UFC1: variants seen among roughly 807,000 people sequenced by gnomAD.
The protein encoded by UFC1 is ubiquitin-fold modifier-conjugating enzyme 1.
In UFC1, 22 loss-of-function variants were observed where a neutral mutation model predicts 28.0. The observed-to-expected ratio is 0.78, with a 90% CI of 0.56 to 1.12. The LOEUF (loss-of-function observed/expected upper bound fraction) is 1.12, where lower values mean the gene tolerates loss of function less well. Ranked by LOEUF, UFC1 falls within the 50% of genes most tolerant of loss-of-function variation. UFC1 has a pLI of 0.00. For synonymous variants in UFC1, 61 were observed against 74.5 expected, an observed-to-expected ratio of 0.82 and a Z score of 0.93; for missense variants, 189 against 207.8, an observed-to-expected ratio of 0.91 and a Z score of 0.56.
intron 4 of UFC1, 44 bp downstream of exon 4, chr1:161,157,737 AG>A: frequency 1.3e-6 from 2 of 1,555,902 alleles, no homozygotes; most frequent in South Asian, 2.2e-5. Flanking sequence ...GAAAGCCTTA[AG>A]GAAGAACTTC....
chr1:161,156,177 A>G (rs139467770), intron 1 of UFC1, among the ~76,000 whole-genome samples: 4 of 152,286 alleles, frequency 2.6e-5, no homozygotes, highest in African/African-American at 9.6e-5. Flanking sequence ...GCAGACCCCC[A>G]CTTACCAGTA....
chr1:161,155,897 G>T (rs531286222), intron 1 of UFC1, among the ~76,000 whole-genome samples: 4 of 152,170 alleles, frequency 2.6e-5, no homozygotes, highest in African/African-American at 9.6e-5. Context: ...AGGTCAAAAC[G>T]TCAACATACA....
rs527961871 is a variant in UFC1, at chr1:161,154,455, C to T, written c.123+335C>T. 3.0e-4 allele frequency among the ~76,000 whole-genome samples: 46 copies of T among 152,264 alleles called. 1 individual carries two copies. Among genetic ancestry groups the T allele is most frequent in the Middle Eastern group, 6.8e-3 (2 of 294 alleles). ...AATCCTCAGGGCGCCAACTCCCAGT[C>T]CGCATCTCTCTGCCCCCTTCTTCAC... On this transcript the variant is annotated intron_variant, in intron 1 of 5. Transcript: ENST00000368003.
rs551896177 is a variant in UFC1 at position 161,154,020 on chromosome 1, G to A, written c.23G>A (p.Arg8His). 4 of 1,614,122 alleles carry A rather than the reference G, an allele frequency of 2.5e-6. No homozygotes were observed. The highest frequency in any genetic ancestry group is 4.5e-5 in the East Asian group (2 of 44,884). Reference sequence around the variant, plus strand: ...AAGATGGCGGATGAAGCCACGCGACGTGTTGTGTCTGAGATCCCGGTGCTG... The same window carrying A: ...AAGATGGCGGATGAAGCCACGCGACATGTTGTGTCTGAGATCCCGGTGCTG... The part of the protein sequence containing the change: MADEATR[R>H]VVSEIPVLKT... Residue 8 changes from arginine to histidine, a missense_variant, in exon 1 of 6, where the codon CGT becomes CAT. Transcript: ENST00000368003.
In UFC1 at chr1:161,155,014, C is replaced by T. The variant is rs200073484; in HGVS notation, c.123+894C>T. ...TTCATTCACTAAAAAAAAAAAATTACTGTGCATATAGAACCTAGGGAGGAG... is the reference window on the plus strand; with the variant it reads ...TTCATTCACTAAAAAAAAAAAATTATTGTGCATATAGAACCTAGGGAGGAG... On this transcript the variant is annotated intron_variant, in intron 1 of 5. Transcript: ENST00000368003. Among the ~76,000 whole-genome samples, 9 of 152,086 alleles carry T rather than the reference C, an allele frequency of 5.9e-5. No homozygotes were observed. The East Asian group carries it at 1.7e-3, about 29-fold the overall frequency.
chr1:161,158,043 C>A, intron 4 of UFC1, 78 bp from the exon 5 acceptor site: 1 of 1,275,406 alleles, frequency 7.8e-7, no homozygotes, highest in Non-Finnish European at 1.1e-6. Flanking sequence ...CACTAGTAGT[C>A]TTCCTATGCC....
At chr1:161,156,643 A>T (rs12756718) in intron 1 of UFC1, among the ~76,000 whole-genome samples, 33,685 of 151,586 alleles carry the variant, frequency 0.22, 4,279 homozygotes, top group East Asian at 0.36. Context: ...GGAGTTCGAG[A>T]CCAGCCTGGC....
At chr1:161,157,437 T>A (rs1351903510) in intron 3 of UFC1, 120 bp downstream of exon 3, 1 of 1,387,090 alleles carries the variant, frequency 7.2e-7, no homozygotes, top group East Asian at 2.3e-5. Flanking sequence ...AGAGAAAAGC[T>A]GAGGTTTGAG....
intron 1 of UFC1, 62 bp downstream of exon 1, chr1:161,154,182 A>G: frequency 6.3e-7 from 1 of 1,590,376 alleles, no homozygotes; most frequent in Non-Finnish European, 8.6e-7. Context: ...AGGTGTCCTC[A>G]ATAATAGGCT....
intron 1 of UFC1, among the ~76,000 whole-genome samples, chr1:161,154,771 G>T (rs1176455647): frequency 1.3e-5 from 2 of 152,170 alleles, no homozygotes; most frequent in Non-Finnish European, 2.9e-5. Flanking sequence ...TTACAGGCGT[G>T]AGCCACCGCG....
In UFC1 at chr1:161,157,603, T is replaced by C; in HGVS notation, c.256-14T>C. 6.2e-7 allele frequency: 1 copy of C among 1,610,592 alleles called. No individual in the cohort carries two copies. The highest frequency in any genetic ancestry group is 1.7e-4 in the Middle Eastern group (1 of 6,058). Reference sequence around the variant, plus strand: ...TCCTGATTCTGTTTTATTAAGGTTTTATAATTTCTCCAGATTCCTATCACA... The same window carrying C: ...TCCTGATTCTGTTTTATTAAGGTTTCATAATTTCTCCAGATTCCTATCACA... On this transcript the variant is annotated splice_polypyrimidine_tract_variant and intron_variant, in intron 3 of 5. Coordinates refer to ENST00000368003, the MANE Select transcript of UFC1 (RefSeq NM_016406.4).
chr1:161,156,321 GAGA>G (rs1657502145), intron 1 of UFC1, among the ~76,000 whole-genome samples: 1 of 150,888 alleles, frequency 6.6e-6, no homozygotes, highest in African/African-American at 2.4e-5. Flanking sequence ...ACGAGGTCAG[GAGA>G]TCGAGACCAT....
intron 5 of UFC1, 21 bp from the exon 6 acceptor site, chr1:161,158,391 A>C (rs1657615301): frequency 6.2e-7 from 1 of 1,614,150 alleles, no homozygotes. Flanking sequence ...GTAATCTCAC[A>C]GGATTTTCCT....
At chr1:161,158,341 A>G (rs1281160722) in intron 5 of UFC1, 71 bp from the exon 6 acceptor site, 1 of 1,597,712 alleles carries the variant, frequency 6.3e-7, no homozygotes, top group Non-Finnish European at 8.6e-7. Flanking sequence ...ATCTGTCTCC[A>G]GGAAGGAGCT....
At chr1:161,156,889 G>T (rs1657523902) in intron 1 of UFC1, 61 bp from the exon 2 acceptor site, 1 of 1,380,626 alleles carries the variant, frequency 7.2e-7, no homozygotes, top group Non-Finnish European at 1.0e-6. Flanking sequence ...TTTCTTTTGA[G>T]GAGAGGGGGA....
Position 161,154,063 on chromosome 1 carries a change from C to G in UFC1, c.66C>G (p.Pro22=). The part of the protein sequence containing the change: ...EIPVLKTNAG[P]RDRELWVQRL... ...CGGTGCTGAAGACTAACGCCGGACC[C>G]CGAGATCGTGAGTTGTGGGTGCAGC... Residue 22 remains proline, a synonymous_variant, in exon 1 of 6, where the codon CCC becomes CCG. Transcript: ENST00000368003. 1 of 1,614,066 alleles carries G rather than the reference C, an allele frequency of 6.2e-7. No homozygotes were observed. Among genetic ancestry groups the G allele is most frequent in the Non-Finnish European group, 8.5e-7 (1 of 1,180,022 alleles).
Position 161,158,682 on chromosome 1 carries a change from T to C in UFC1, c.*190T>C. The stretch of plus-strand genomic sequence containing the variant: ...CCAAACAGTACTGCTACTTAGTTTC[T>C]AAGGCTGCACAGGGAAGGGAAAGAC... On this transcript the variant is annotated 3_prime_UTR_variant, in exon 6 of 6. Transcript: ENST00000368003. The C allele has an allele frequency of 3.2e-6, 2 of 633,918 alleles. No individual in the cohort carries two copies. The highest frequency in any genetic ancestry group is 3.6e-5 in the South Asian group (2 of 55,276). 39.3% of individuals were successfully genotyped at this position (633,918 alleles called of 1,614,324 possible). A position where few individuals can be genotyped will look rare whatever the true frequency, so the allele number is the denominator to read the frequency against.
chr1:161,156,142 G>A (rs1477257501), intron 1 of UFC1, among the ~76,000 whole-genome samples: 1 of 152,132 alleles, frequency 6.6e-6, no homozygotes, highest in Non-Finnish European at 1.5e-5. Flanking sequence ...AAATTGAGTG[G>A]AGCCCATTCT....
At chr1:161,155,146 C>G (rs1032195274) in intron 1 of UFC1, among the ~76,000 whole-genome samples, 1 of 152,088 alleles carries the variant, frequency 6.6e-6, no homozygotes, top group East Asian at 1.9e-4. Context: ...AGATATAAAG[C>G]GAGAAATGGC....
Sources: gnomAD v4.1 joint callset for allele counts (sites outside exome capture counted in the v4.1 genomes callset) on GRCh38, gnomAD v4.1.1 for gene constraint, MANE v1.5 for transcripts, NCBI Gene and HGNC (gene_info 2026-07-23, HGNC 2026-07-21) for gene names.